Variants in MAP2K5 observed in about 807,000 individuals in gnomAD.
MAP2K5 encodes mitogen-activated protein kinase kinase 5.
Under a neutral mutation model 83.1 loss-of-function variants are expected in MAP2K5, and 49 were observed. The observed-to-expected ratio is 0.59, with a 90% confidence interval of 0.47 to 0.75. MAP2K5 has a LOEUF of 0.75. Among genes scored for constraint, MAP2K5 ranks in the 30% least tolerant of loss-of-function variants. The pLI is 0.00. For missense variants in MAP2K5, 457 were observed against 557.5 expected (o/e 0.82, Z 1.82); for synonymous variants, 202 against 191.8 (o/e 1.05, Z -0.44).
In MAP2K5 at chr15:67,692,552, G is replaced by A. The variant is rs2088141104; in HGVS notation, c.921G>A (p.Gln307=). 6.2e-7 allele frequency: 1 copy of A among 1,610,836 alleles called. No individual in the cohort carries two copies. Among genetic ancestry groups the A allele is most frequent in the Non-Finnish European group, 8.5e-7 (1 of 1,177,264 alleles). Residue 307 remains glutamine (Q), a splice_region_variant and synonymous_variant, in exon 14 of 22, where the codon CAG becomes CAA. Coordinates refer to ENST00000178640, the MANE Select transcript of MAP2K5 (RefSeq NM_145160.3). ...VKLCDFGVST[Q]LVNSIAKTYV... ...TGTGTGATTTTGGAGTTAGCACTCA[G>A]GTATGTCTCTTTTCCTCCCAGTGTA...
Position 67,573,483 on chromosome 15 carries a change from G to C in MAP2K5, c.253-7271G>C, listed in dbSNP as rs2084989742. Among the ~76,000 whole-genome samples, 1 of 151,980 alleles carries C rather than the reference G, an allele frequency of 6.6e-6. No homozygotes were observed. Among genetic ancestry groups the C allele is most frequent in the Non-Finnish European group, 1.5e-5 (1 of 67,988 alleles). On this transcript the variant is annotated intron_variant, in intron 3 of 21. Coordinates refer to ENST00000178640, the MANE Select transcript of MAP2K5 (RefSeq NM_145160.3). This position sits in a 1 kb window ranked among gnomAD's most constrained non-coding sequence, Gnocchi z 4.2. ...TCACTATCATGAGAACAGCAAGGGG[G>C]AAATCCACCCCCATGATCCAGTCAT...
At chr15:67,756,375 T>C (rs904666384) in intron 19 of MAP2K5, among the ~76,000 whole-genome samples, 4 of 152,196 alleles carry the variant, frequency 2.6e-5, no homozygotes, top group Admixed American at 2.6e-4. Context: ...GTGAAAGTTA[T>C]ATTTTTCCCC....
At chr15:67,803,220 A>C (rs1184958810) in intron 21 of MAP2K5, among the ~76,000 whole-genome samples, 1 of 152,204 alleles carries the variant, frequency 6.6e-6, no homozygotes, top group Non-Finnish European at 1.5e-5. Context: ...GTGCCTCATC[A>C]GTAATACGAA....
chr15:67,729,343 A>G (rs959732807), intron 17 of MAP2K5, among the ~76,000 whole-genome samples: 1 of 152,230 alleles, frequency 6.6e-6, no homozygotes, highest in Non-Finnish European at 1.5e-5. Flanking sequence ...ATATTTCTCA[A>G]ACAAATCTTA....
intron 3 of MAP2K5, among the ~76,000 whole-genome samples, chr15:67,578,028 G>T (rs906044142): frequency 1.3e-5 from 2 of 152,094 alleles, no homozygotes; most frequent in African/African-American, 4.8e-5. Context: ...AATTTGTTTT[G>T]CAGTTTATTA....
chr15:67,613,268 G>A (rs1216564061), intron 8 of MAP2K5, among the ~76,000 whole-genome samples: 2 of 152,172 alleles, frequency 1.3e-5, no homozygotes, highest in East Asian at 1.9e-4. Context: ...CTTTGCTAAG[G>A]TATCTTGCAA....
chr15:67,641,516 C>T, intron 9 of MAP2K5: 1 of 999,784 alleles, frequency 1.0e-6, no homozygotes, highest in Non-Finnish European at 1.2e-6. Flanking sequence ...CGTATTTATA[C>T]TGTATATTTT....
At chr15:67,586,683 C>T (rs183988290) in intron 5 of MAP2K5, among the ~76,000 whole-genome samples, 163 bp from the exon 6 acceptor site, 3 of 152,188 alleles carry the variant, frequency 2.0e-5, no homozygotes, top group African/African-American at 7.2e-5. Flanking sequence ...ATGGGTTATA[C>T]GGTTTTGTAA....
intron 20 of MAP2K5, among the ~76,000 whole-genome samples, chr15:67,772,425 CATTTA>C (rs2141304694): frequency 6.6e-6 from 1 of 152,032 alleles, no homozygotes; most frequent in Non-Finnish European, 1.5e-5. Flanking sequence ...AATTAGGATA[CATTTA>C]ATTTAAATTC....
intron 8 of MAP2K5, among the ~76,000 whole-genome samples, chr15:67,621,900 G>T (rs1402794874): frequency 6.6e-6 from 1 of 152,126 alleles, no homozygotes; most frequent in African/African-American, 2.4e-5. Flanking sequence ...AATAAAGAAA[G>T]TGGCCGGGTG....
At chr15:67,743,924 A>G (rs1387512681) in intron 17 of MAP2K5, among the ~76,000 whole-genome samples, 1 of 152,196 alleles carries the variant, frequency 6.6e-6, no homozygotes, top group Non-Finnish European at 1.5e-5. Flanking sequence ...GCATCTGACT[A>G]GAATCCCAGG....
At position 67,689,932 on chromosome 15, in the gene MAP2K5, G is replaced by A. The variant is rs144136927; in HGVS notation, c.848-2547G>A. Among the ~76,000 whole-genome samples the A allele has an allele frequency of 1.0e-3, 154 of 152,272 alleles. 2 individuals are homozygous for A. Among genetic ancestry groups the A allele is most frequent in the African/African-American group, 2.7e-3 (111 of 41,548 alleles). The stretch of plus-strand genomic sequence containing the variant: ...CAAACTTGTCCAACCCATGCTCCAC[G>A]GGCCACATGAGCCACAGGACGGCTT... On this transcript the variant is annotated intron_variant, in intron 13 of 21. Transcript: ENST00000178640.
chr15:67,792,514 A>C (rs2090535807), intron 21 of MAP2K5, among the ~76,000 whole-genome samples: 2 of 152,150 alleles, frequency 1.3e-5, no homozygotes, highest in Admixed American at 6.5e-5. Flanking sequence ...GACACAGAAA[A>C]TTAAACCAGC....
rs763702519 is a variant in MAP2K5, at chr15:67,769,593, C to T, written c.1135-9C>T. The T allele has an allele frequency of 1.2e-6, 2 of 1,613,480 alleles. No homozygotes were observed. The highest frequency in any genetic ancestry group is 1.7e-5 in the Admixed American group (1 of 59,990). On this transcript the variant is annotated splice_polypyrimidine_tract_variant and intron_variant, in intron 19 of 21. Coordinates refer to ENST00000178640, the MANE Select transcript of MAP2K5 (RefSeq NM_145160.3). This position sits in a 1 kb window ranked among gnomAD's most constrained non-coding sequence, Gnocchi z 5.2. ...TGACTTTTGGTGACATGTTTTTCCT[C>T]CATCACAGGATTCGCCCGTCCTTCC...
Position 67,586,873 on chromosome 15 carries a change from C to A in MAP2K5, c.391C>A (p.His131Asn). The change falls in exon 6 of 22, where the codon CAC (histidine) becomes AAC (asparagine). Residue 131 changes from histidine to asparagine, a missense_variant. Physicochemically the swap from His to Asn is moderately conservative, Grantham distance 68. This residue lies in a region of MAP2K5 where 234 missense variants were observed against 243.6 expected (regional missense o/e 0.96). Coordinates refer to ENST00000178640, the MANE Select transcript of MAP2K5 (RefSeq NM_145160.3). ...GAATACTCGGGCCGGACCCTCTCAA[C>A]ACAGCAGCCCAGCAGTCTCAGATTC... The part of the protein sequence containing the change: ...KVNTRAGPSQ[H>N]SSPAVSDSLP... 6.2e-7 allele frequency: 1 copy of A among 1,614,160 alleles called. No individual in the cohort carries two copies. The highest frequency in any genetic ancestry group is 8.5e-7 in the Non-Finnish European group (1 of 1,180,028).
intron 2 of MAP2K5, among the ~76,000 whole-genome samples, chr15:67,556,382 A>T (rs1009406966): frequency 2.6e-5 from 4 of 152,086 alleles, no homozygotes; most frequent in African/African-American, 9.7e-5. Flanking sequence ...ACAGTCCAGG[A>T]TATTGAAGAA....
intron 8 of MAP2K5, among the ~76,000 whole-genome samples, chr15:67,602,322 A>C (rs544089330): frequency 6.6e-6 from 1 of 152,236 alleles, no homozygotes; most frequent in African/African-American, 2.4e-5. Flanking sequence ...TGGAGGGAGC[A>C]CTTTTCAAAG....
At chr15:67,641,935 G>C (rs2086720980) in intron 9 of MAP2K5, among the ~76,000 whole-genome samples, 2 of 152,196 alleles carry the variant, frequency 1.3e-5, no homozygotes, top group Admixed American at 1.3e-4. Context: ...AGAGTGCCAA[G>C]TCTCCCAGAA....
intron 19 of MAP2K5, among the ~76,000 whole-genome samples, chr15:67,756,570 ACTTACGAT>A (rs1197407181): frequency 5.6e-5 from 3 of 53,822 alleles, no homozygotes; most frequent in Non-Finnish European, 8.1e-5. Flanking sequence ...TGTTGATAAC[ACTTACGAT>A]CTACTCCCTT....
Sources: gnomAD v4.1 joint callset for allele counts (sites outside exome capture counted in the v4.1 genomes callset) on GRCh38, gnomAD v4.1.1 for gene constraint, gnomAD v4.1.1 regional missense constraint, Gnocchi (gnomAD v3.1) non-coding constraint, MANE v1.5 for transcripts, NCBI Gene and HGNC (gene_info 2026-07-23, HGNC 2026-07-21) for gene names.